Variants in C1orf115 observed in about 807,000 individuals in gnomAD.
The protein encoded by C1orf115 is required for drug-induced death protein 1.
In C1orf115, 14 loss-of-function variants were observed where a neutral mutation model predicts 12.5. That is an observed-to-expected ratio of 1.12 (90% CI 0.74 to 1.75). C1orf115 has a LOEUF of 1.75. C1orf115 is among the 40% of genes most tolerant of loss of function. The pLI is 0.00. For synonymous variants in C1orf115, 109 were observed against 104.6 expected (o/e 1.04, Z -0.26); for missense variants, 237 against 220.8 (o/e 1.07, Z -0.46).
rs1448268889 is a variant in C1orf115, at chr1:220,697,828, G to A, written c.*1097G>A. ...TCCAGGAGCCAGGTCTGGAGCATCA[G>A]TGTGAGGGAGTTCAGGTAGGCTGGG... On this transcript the variant is annotated 3_prime_UTR_variant, in exon 2 of 2. Coordinates refer to ENST00000294889, the MANE Select transcript of C1orf115 (RefSeq NM_024709.5). This position sits in a 1 kb window ranked among gnomAD's most constrained non-coding sequence, Gnocchi z 4.5. The A allele has an allele frequency of 6.5e-6, 1 of 153,022 alleles. No homozygotes were observed. The highest frequency in any genetic ancestry group is 1.5e-5 in the Non-Finnish European group (1 of 68,576). 9.5% of individuals were successfully genotyped at this position (153,022 alleles called of 1,614,324 possible). A position where few individuals can be genotyped will look rare whatever the true frequency, so the allele number is the denominator to read the frequency against.
chr1:220,696,551 G>A, intron 1 of C1orf115, 61 bp from the exon 2 acceptor site: 1 of 1,474,982 alleles, frequency 6.8e-7, no homozygotes, highest in Non-Finnish European at 9.1e-7. Flanking sequence ...CATGAAAGAT[G>A]GCAGAATTAA....
At chr1:220,691,309 G>C (rs1028533806) in intron 1 of C1orf115, among the ~76,000 whole-genome samples, 1 of 152,118 alleles carries the variant, frequency 6.6e-6, no homozygotes, top group Non-Finnish European at 1.5e-5. Flanking sequence ...TCGGGGAGAT[G>C]GGGTTAGGAA....
intron 1 of C1orf115, among the ~76,000 whole-genome samples, chr1:220,695,141 G>A (rs1168619035): frequency 6.6e-6 from 1 of 152,202 alleles, no homozygotes; most frequent in Non-Finnish European, 1.5e-5. Context: ...AGGAGCCGGA[G>A]TCAGAGGGAA....
Position 220,696,668 on chromosome 1 carries a change from C to T in C1orf115, c.366C>T (p.Gly122=), listed in dbSNP as rs1310181422. 4 of 1,603,806 alleles carry T rather than the reference C, an allele frequency of 2.5e-6. No individual in the cohort carries two copies. The highest frequency in any genetic ancestry group is 1.7e-5 in the Admixed American group (1 of 59,908). Residue 122 remains glycine, a synonymous_variant, in exon 2 of 2, where the codon GGC becomes GGT. Transcript: ENST00000294889. ...GCRYVVIGLQ[G]FAAAYSAPFA... The stretch of plus-strand genomic sequence containing the variant: ...GCTACGTGGTCATCGGCCTGCAAGG[C>T]TTCGCTGCAGCCTACTCCGCCCCGT...
rs1462974590 is a variant in C1orf115 at position 220,697,341 on chromosome 1, G to A, written c.*610G>A. ...ATGCTTTGAAAACTGTGTTGGCAGTGTGGCATGACTGTTTAAAGTAGATAA... is the reference window on the plus strand; with the variant it reads ...ATGCTTTGAAAACTGTGTTGGCAGTATGGCATGACTGTTTAAAGTAGATAA... On this transcript the variant is annotated 3_prime_UTR_variant, in exon 2 of 2. Transcript: ENST00000294889. The surrounding 1 kb of genome is among the most constrained non-coding windows in gnomAD (Gnocchi z 4.5). The A allele has an allele frequency of 6.6e-6, 1 of 152,228 alleles. No homozygotes were observed. The highest frequency in any genetic ancestry group is 1.5e-5 in the Non-Finnish European group (1 of 68,076). 9.4% of individuals were successfully genotyped at this position (152,228 alleles called of 1,614,324 possible).
At position 220,690,564 on chromosome 1, in the gene C1orf115, C is replaced by G. The variant is rs2102515536; in HGVS notation, c.162C>G (p.Ser54Arg). ...EAEAAAESGT[S>R]AADERGPGTR... ...AGGCGGCGGCCGAGAGCGGGACGAGCGCGGCGGACGAGCGGGGCCCGGGGA... is the reference window on the plus strand; with the variant it reads ...AGGCGGCGGCCGAGAGCGGGACGAGGGCGGCGGACGAGCGGGGCCCGGGGA... The change falls in exon 1 of 2, where the codon AGC becomes AGG. Residue 54 changes from serine to arginine, a missense_variant. Ser to Arg is a moderately radical substitution (Grantham distance 110, BLOSUM62 -1). Transcript: ENST00000294889. The G allele has an allele frequency of 1.4e-6, 2 of 1,479,494 alleles. No homozygotes were observed. Among genetic ancestry groups the G allele is most frequent in the Non-Finnish European group, 1.8e-6 (2 of 1,119,634 alleles). 91.6% of individuals were successfully genotyped at this position (1,479,494 alleles called of 1,614,324 possible). A position where few individuals can be genotyped will look rare whatever the true frequency, so the allele number is the denominator to read the frequency against.
At chr1:220,695,494 G>GTTT (rs10602094) in intron 1 of C1orf115, among the ~76,000 whole-genome samples, 16 of 116,380 alleles carry the variant, frequency 1.4e-4, no homozygotes, top group Admixed American at 2.0e-4. Flanking sequence ...CGATGTCTGG[G>GTTT]TTTTTTTTTT....
chr1:220,695,255 C>T (rs1325530689), intron 1 of C1orf115, among the ~76,000 whole-genome samples: 1 of 151,990 alleles, frequency 6.6e-6, no homozygotes, highest in Non-Finnish European at 1.5e-5. Flanking sequence ...ACGGTGATAC[C>T]CGAGCATGTA....
chr1:220,691,586 A>C (rs151294615), intron 1 of C1orf115, among the ~76,000 whole-genome samples: 170 of 152,336 alleles, frequency 1.1e-3, no homozygotes, highest in African/African-American at 3.9e-3. Context: ...GCTTAGGTTT[A>C]TCATCCTCTT....
chr1:220,692,659 C>T (rs1670130428), intron 1 of C1orf115, among the ~76,000 whole-genome samples: 2 of 152,096 alleles, frequency 1.3e-5, no homozygotes, highest in South Asian at 4.1e-4. Flanking sequence ...AGGAATGGAG[C>T]CCATCTGCTT....
rs922591982 is a variant in C1orf115 at position 220,697,396 on chromosome 1, G to A, written c.*665G>A. The A allele has an allele frequency of 2.0e-5, 3 of 152,436 alleles. No homozygotes were observed. Among genetic ancestry groups the A allele is most frequent in the African/African-American group, 7.2e-5 (3 of 41,450 alleles). The allele number at this position is 152,436 out of a possible 1,614,324, so 9.4% of individuals were successfully genotyped here. ...TTGTCATTTTACCCCATCCCTGCAT[G>A]ACTGTGAAGCTGGCGAGGAAGGAGG... is the stretch of plus-strand genomic sequence containing the variant. On this transcript the variant is annotated 3_prime_UTR_variant, in exon 2 of 2. Coordinates refer to ENST00000294889, the MANE Select transcript of C1orf115 (RefSeq NM_024709.5). The surrounding 1 kb of genome is among the most constrained non-coding windows in gnomAD (Gnocchi z 4.5).
chr1:220,691,722 G>A (rs2102516176), intron 1 of C1orf115, among the ~76,000 whole-genome samples: 1 of 152,336 alleles, frequency 6.6e-6, no homozygotes, highest in South Asian at 2.1e-4. Flanking sequence ...TGAGCACAAA[G>A]AAGCCATCAT....
chr1:220,692,931 G>A (rs933594690), intron 1 of C1orf115, among the ~76,000 whole-genome samples: 4 of 152,202 alleles, frequency 2.6e-5, no homozygotes, highest in Admixed American at 6.5e-5. Context: ...AGTGTTGCAC[G>A]CTAGTTCAAT....
intron 1 of C1orf115, 150 bp downstream of exon 1, chr1:220,690,861 A>G: frequency 2.0e-6 from 2 of 1,008,674 alleles, no homozygotes; most frequent in South Asian, 3.5e-5. Flanking sequence ...CGCCGGAGGG[A>G]AGCCGCGAGT....
intron 1 of C1orf115, among the ~76,000 whole-genome samples, chr1:220,693,257 G>C (rs1253006076): frequency 6.6e-6 from 1 of 152,192 alleles, no homozygotes; most frequent in Non-Finnish European, 1.5e-5. Flanking sequence ...GTTTTTAACA[G>C]TGTTCCAGTT....
At chr1:220,693,273 A>G (rs1002548480) in intron 1 of C1orf115, among the ~76,000 whole-genome samples, 2 of 152,246 alleles carry the variant, frequency 1.3e-5, no homozygotes, top group Non-Finnish European at 2.9e-5. Flanking sequence ...CAGTTAATGA[A>G]CTATTTTAGT....
intron 1 of C1orf115, among the ~76,000 whole-genome samples, chr1:220,695,498 T>G (rs1013590192): frequency 2.3e-4 from 33 of 146,222 alleles, no homozygotes; most frequent in African/African-American, 7.0e-4. Context: ...GTCTGGGTTT[T>G]TTTTTTTTTT....
At chr1:220,695,926 A>G (rs1670188251) in intron 1 of C1orf115, among the ~76,000 whole-genome samples, 1 of 152,066 alleles carries the variant, frequency 6.6e-6, no homozygotes, top group Non-Finnish European at 1.5e-5. Context: ...TGTTGCAATC[A>G]CATTTGAGTC....
At chr1:220,696,302 T>C (rs1670192981) in intron 1 of C1orf115, among the ~76,000 whole-genome samples, 1 of 152,142 alleles carries the variant, frequency 6.6e-6, no homozygotes, top group Non-Finnish European at 1.5e-5. Context: ...TAAAACTGCT[T>C]TAGTTTTAGA....
Sources: allele counts gnomAD v4.1 joint callset (sites outside exome capture counted in the v4.1 genomes callset), GRCh38; gene constraint gnomAD v4.1.1; non-coding constraint Gnocchi (gnomAD v3.1); transcripts MANE v1.5; gene names NCBI Gene and HGNC (gene_info 2026-07-23, HGNC 2026-07-21).